LRP1B: variants seen among roughly 807,000 people sequenced by gnomAD.
The protein encoded by LRP1B is LDL receptor related protein 1B, also known as low-density lipoprotein receptor-related protein 1B.
A neutral mutation model predicts 556.6 loss-of-function variants in LRP1B; 217 were observed. The ratio of observed to expected loss-of-function variants is 0.39; its 90% CI spans 0.35 to 0.44. The LOEUF is 0.44. LRP1B is among the 20% of genes least tolerant of loss of function. LRP1B has a pLI of 1.00. For missense variants in LRP1B, 5,053 were observed against 5,620.8 expected, an observed-to-expected ratio of 0.90 and a Z score of 3.23; for synonymous variants, 2,047 against 1,865.8, an observed-to-expected ratio of 1.10 and a Z score of -2.50.
intron 49 of LRP1B, among the ~76,000 whole-genome samples, chr2:140,522,608 A>C (rs1004140765): frequency 6.6e-6 from 1 of 152,036 alleles, no homozygotes; most frequent in African/African-American, 2.4e-5. Context: ...AAACTATACA[A>C]GGATCAATGA....
intron 85 of LRP1B, among the ~76,000 whole-genome samples, chr2:140,270,827 A>C (rs963589427): frequency 6.6e-6 from 1 of 151,988 alleles, no homozygotes; most frequent in Admixed American, 6.6e-5. Flanking sequence ...TTTCATAAGA[A>C]AGTGGAGGGT....
At chr2:140,790,556 C>A (rs1367319201) in intron 32 of LRP1B, among the ~76,000 whole-genome samples, 1 of 152,126 alleles carries the variant, frequency 6.6e-6, no homozygotes, top group East Asian at 1.9e-4. Context: ...CAGCAGTAAA[C>A]CTGGAGCAGA....
At chr2:141,517,117 A>G (rs907308352) in intron 2 of LRP1B, among the ~76,000 whole-genome samples, 1 of 151,790 alleles carries the variant, frequency 6.6e-6, no homozygotes, top group East Asian at 1.9e-4. Flanking sequence ...TACAGCATAA[A>G]TATGTCTACC....
At chr2:140,437,129 C>A (rs1268113282) in intron 66 of LRP1B, among the ~76,000 whole-genome samples, 1 of 151,960 alleles carries the variant, frequency 6.6e-6, no homozygotes, top group Non-Finnish European at 1.5e-5. Context: ...AGAGCGAAAC[C>A]CACAGTGCGT....
intron 32 of LRP1B, among the ~76,000 whole-genome samples, chr2:140,794,772 C>T (rs1316820359): frequency 1.3e-5 from 2 of 151,970 alleles, no homozygotes; most frequent in African/African-American, 4.8e-5. Context: ...AGCCACTACG[C>T]CCAGCTAATT....
intron 45 of LRP1B, among the ~76,000 whole-genome samples, chr2:140,538,472 T>G (rs943427201): frequency 6.6e-6 from 1 of 152,092 alleles, no homozygotes; most frequent in African/African-American, 2.4e-5. Flanking sequence ...TTAGAACACG[T>G]GGTATTTGGT....
intron 3 of LRP1B, among the ~76,000 whole-genome samples, chr2:141,364,291 A>G (rs1431184777): frequency 6.6e-6 from 1 of 151,732 alleles, no homozygotes; most frequent in Admixed American, 6.6e-5. Flanking sequence ...ACACACACAC[A>G]CACGCAAACA....
At chr2:141,780,705 C>T (rs1388765398) in intron 2 of LRP1B, among the ~76,000 whole-genome samples, 1 of 152,100 alleles carries the variant, frequency 6.6e-6, no homozygotes, top group African/African-American at 2.4e-5. Flanking sequence ...TTTAGATGAA[C>T]CTTATAATGC....
chr2:140,942,372 A>G (rs1695426390), intron 20 of LRP1B, among the ~76,000 whole-genome samples: 1 of 152,212 alleles, frequency 6.6e-6, no homozygotes, highest in African/African-American at 2.4e-5. Flanking sequence ...ATATTTGAGG[A>G]TATAGTCCAT....
intron 2 of LRP1B, among the ~76,000 whole-genome samples, chr2:141,808,038 G>A (rs1696218948): frequency 6.6e-6 from 1 of 152,018 alleles, no homozygotes; most frequent in African/African-American, 2.4e-5. Flanking sequence ...GCCCCATTTA[G>A]ACACAAAATC....
At chr2:141,234,090 A>G (rs1401851762) in intron 5 of LRP1B, among the ~76,000 whole-genome samples, 1 of 152,146 alleles carries the variant, frequency 6.6e-6, no homozygotes, top group Non-Finnish European at 1.5e-5. Flanking sequence ...TCAGACTAAT[A>G]TGGTGATAAA....
intron 86 of LRP1B, among the ~76,000 whole-genome samples, chr2:140,254,517 C>A (rs1188328668): frequency 1.3e-5 from 2 of 151,844 alleles, no homozygotes; most frequent in Non-Finnish European, 2.9e-5. Flanking sequence ...TCCAAGATTT[C>A]TTTTTTTGTT....
Position 140,318,848 on chromosome 2 carries a change from TTAAA to T in LRP1B, c.12640+3111_12640+3114del, listed in dbSNP as rs539927712. 2.3e-3 allele frequency among the ~76,000 whole-genome samples: 343 copies of T among 152,266 alleles called. 3 individuals carry two copies. The highest frequency in any genetic ancestry group is 7.3e-3 in the African/African-American group (304 of 41,572). ...ATTACTAGATAATAAAATCTGAAGA[TTAAA>T]TAAATTCATATATGTCTACAAACAT... On this transcript the variant is annotated intron_variant, in intron 82 of 90. Coordinates refer to ENST00000389484, the MANE Select transcript of LRP1B (RefSeq NM_018557.3).
At chr2:140,850,065 AAC>A in intron 29 of LRP1B, 35 bp downstream of exon 29, 1 of 1,298,204 alleles carries the variant, frequency 7.7e-7, no homozygotes, top group Non-Finnish European at 1.1e-6. Context: ...CTGAATAACA[AAC>A]ACTTTTAAAG....
intron 2 of LRP1B, among the ~76,000 whole-genome samples, chr2:141,627,796 G>A (rs775443277): frequency 3.3e-5 from 5 of 152,052 alleles, no homozygotes; most frequent in Admixed American, 1.3e-4. Context: ...ATAATTACGC[G>A]ATACCAACAT....
At chr2:141,943,597 CTTTAG>C (rs1353426372) in intron 1 of LRP1B, among the ~76,000 whole-genome samples, 3 of 152,104 alleles carry the variant, frequency 2.0e-5, no homozygotes, top group Non-Finnish European at 4.4e-5. Context: ...GCATTAACTC[CTTTAG>C]TTATTACTCA....
At chr2:141,393,105 A>G (rs1471584410) in intron 3 of LRP1B, among the ~76,000 whole-genome samples, 1 of 152,160 alleles carries the variant, frequency 6.6e-6, no homozygotes, top group African/African-American at 2.4e-5. Context: ...AACACTAGAC[A>G]AGATTATATT....
intron 6 of LRP1B, among the ~76,000 whole-genome samples, chr2:141,219,907 G>C (rs1259880112): frequency 1.3e-5 from 2 of 151,996 alleles, no homozygotes; most frequent in African/African-American, 4.8e-5. Context: ...CGACAAAAAA[G>C]ACCCCATAAA....
At chr2:141,867,942 T>C (rs1437617848) in intron 1 of LRP1B, among the ~76,000 whole-genome samples, 1 of 152,154 alleles carries the variant, frequency 6.6e-6, no homozygotes, top group Non-Finnish European at 1.5e-5. Context: ...TTGGGCTTGC[T>C]TATGAAGTAG....
Sources: gnomAD v4.1 joint callset for allele counts (sites outside exome capture counted in the v4.1 genomes callset) on GRCh38, gnomAD v4.1.1 for gene constraint, MANE v1.5 for transcripts, NCBI Gene and HGNC (gene_info 2026-07-23, HGNC 2026-07-21) for gene names.